Variants in DRC8 observed in about 807,000 individuals in gnomAD.
The protein encoded by DRC8 is dynein regulatory complex protein 8.
chr1:245,018,773 T>C, the DRC8 span, among the ~76,000 whole-genome samples: 1 of 152,144 alleles, frequency 6.6e-6, no homozygotes, highest in Admixed American at 6.5e-5. Flanking sequence ...ACACTACGTG[T>C]AGTTGGGTGC....
chr1:245,012,708 A>G, the DRC8 span, among the ~76,000 whole-genome samples: 1 of 152,164 alleles, frequency 6.6e-6, no homozygotes. Context: ...TATAAGGGAT[A>G]TATATATCTA....
chr1:245,122,002 G>A, the DRC8 span: 13 of 373,610 alleles, frequency 3.5e-5, no homozygotes, highest in Admixed American at 3.9e-4. Context: ...GGGTTCAAGA[G>A]ATTCTCCTGC....
At chr1:245,052,837 AGACT>A in the DRC8 span, among the ~76,000 whole-genome samples, 1 of 152,262 alleles carries the variant, frequency 6.6e-6, no homozygotes, top group Non-Finnish European at 1.5e-5. Flanking sequence ...GCCACAGCTC[AGACT>A]GTCTCTTTTC....
chr1:245,024,065 G>A, the DRC8 span, among the ~76,000 whole-genome samples: 1 of 152,138 alleles, frequency 6.6e-6, no homozygotes, highest in Non-Finnish European at 1.5e-5. Flanking sequence ...AGCTACTTGG[G>A]AGGCTGAGAC....
the DRC8 span, chr1:245,082,092 G>T: frequency 1.9e-6 from 3 of 1,610,294 alleles, no homozygotes; most frequent in Non-Finnish European, 2.6e-6. Context: ...GGTAGAGGAA[G>T]AAGAACCCAC....
chr1:245,083,541 A>G, the DRC8 span: 15 of 1,581,326 alleles, frequency 9.5e-6, no homozygotes, highest in South Asian at 1.0e-4. Flanking sequence ...TTATTTACAT[A>G]CACACATATA....
chr1:244,979,970 C>T, the DRC8 span, among the ~76,000 whole-genome samples: 1 of 142,626 alleles, frequency 7.0e-6, no homozygotes, highest in Non-Finnish European at 1.5e-5. Flanking sequence ...TTTGGGAGGC[C>T]GAGGCAGGTG....
At chr1:244,980,536 T>G in the DRC8 span, among the ~76,000 whole-genome samples, 1 of 151,930 alleles carries the variant, frequency 6.6e-6, no homozygotes, top group African/African-American at 2.4e-5. Flanking sequence ...ACCAAAGTAA[T>G]GGAAGTCAGG....
the DRC8 span, among the ~76,000 whole-genome samples, chr1:245,010,536 T>A: frequency 2.6e-5 from 4 of 152,018 alleles, no homozygotes; most frequent in Non-Finnish European, 5.9e-5. Context: ...CGTGCCCTGG[T>A]CCCCCTGTGG....
chr1:245,018,618 G>A, the DRC8 span, among the ~76,000 whole-genome samples: 2 of 152,254 alleles, frequency 1.3e-5, no homozygotes, highest in East Asian at 3.9e-4. Context: ...CAAGTGCCTT[G>A]ACCTCAGACC....
At chr1:245,111,006 A>C in the DRC8 span, among the ~76,000 whole-genome samples, 3 of 152,148 alleles carry the variant, frequency 2.0e-5, no homozygotes, top group Admixed American at 1.3e-4. Flanking sequence ...AGAAAAAATA[A>C]ATTTTTTAAT....
the DRC8 span, chr1:244,970,670 CCCCGCCCCGCCTCTCTCCCCT>C: frequency 2.4e-6 from 1 of 408,554 alleles, no homozygotes; most frequent in Non-Finnish European, 4.1e-6. Flanking sequence ...CTCTCCCCCG[CCCCGCCCCGCCTCTCTCCCCT>C]CTTCCCTCCC....
chr1:245,023,226 A>C, the DRC8 span: 1 of 152,154 alleles, frequency 6.6e-6, no homozygotes, highest in Non-Finnish European at 1.5e-5. Flanking sequence ...TCCTTTTTTG[A>C]ATAATATTCC....
chr1:244,984,749 C>T, the DRC8 span, among the ~76,000 whole-genome samples: 4 of 151,540 alleles, frequency 2.6e-5, no homozygotes, highest in African/African-American at 7.3e-5. Context: ...GCAGGAGAAT[C>T]GCTTGAACCT....
the DRC8 span, among the ~76,000 whole-genome samples, chr1:244,976,413 A>C: frequency 6.6e-6 from 1 of 152,208 alleles, no homozygotes; most frequent in East Asian, 1.9e-4. Flanking sequence ...TATCCGGTTA[A>C]GACTAAGCAA....
the DRC8 span, chr1:245,091,756 C>G: frequency 6.6e-6 from 1 of 152,220 alleles, no homozygotes; most frequent in South Asian, 2.1e-4. Context: ...ATTTTATCTC[C>G]TAAGTTGCAG....
the DRC8 span, among the ~76,000 whole-genome samples, chr1:244,992,231 A>C: frequency 3.3e-5 from 5 of 152,242 alleles, no homozygotes; most frequent in Admixed American, 6.5e-5. Context: ...AAATTGGGCC[A>C]CATTTCCCTT....
the DRC8 span, among the ~76,000 whole-genome samples, chr1:244,981,776 G>A: frequency 6.6e-6 from 1 of 152,154 alleles, no homozygotes; most frequent in Non-Finnish European, 1.5e-5. Flanking sequence ...AACCCCACGG[G>A]GTTATTCTGG....
At chr1:245,086,597 G>T in the DRC8 span, 1 of 432,652 alleles carries the variant, frequency 2.3e-6, no homozygotes, top group Non-Finnish European at 4.8e-6. Flanking sequence ...GCATCAGACA[G>T]TGTTTAGCAG....
Sources: allele counts gnomAD v4.1 joint callset (sites outside exome capture counted in the v4.1 genomes callset), GRCh38; gene constraint gnomAD v4.1.1; transcripts MANE v1.5; gene names NCBI Gene and HGNC (gene_info 2026-07-23, HGNC 2026-07-21).